Variants in PTPRN2 observed in about 807,000 individuals in gnomAD.
PTPRN2 encodes the protein protein tyrosine phosphatase receptor type N2, also known as receptor-type tyrosine-protein phosphatase N2.
Under a neutral mutation model 118.8 loss-of-function variants are expected in PTPRN2, and 74 were observed. That is an observed-to-expected ratio of 0.62 (90% CI 0.52 to 0.76). The LOEUF (loss-of-function observed/expected upper bound fraction) is 0.76. PTPRN2 is among the 30% of genes least tolerant of loss of function. The pLI is 0.00. For missense variants in PTPRN2, 1,481 were observed against 1,394.4 expected (o/e 1.06, Z -0.99); for synonymous variants, 641 against 608.0 (o/e 1.05, Z -0.80).
intron 11 of PTPRN2, among the ~76,000 whole-genome samples, chr7:158,009,061 C>T (rs969016708): frequency 2.5e-4 from 38 of 152,216 alleles, no homozygotes; most frequent in African/African-American, 8.4e-4. Context: ...TGATCAGTTC[C>T]ACCAGGCATA....
At chr7:158,561,040 A>C (rs1183614748) in intron 1 of PTPRN2, among the ~76,000 whole-genome samples, 2 of 152,258 alleles carry the variant, frequency 1.3e-5, no homozygotes, top group African/African-American at 2.4e-5. Flanking sequence ...TGTGGCAAGA[A>C]GGGCAGGGCC....
chr7:157,800,488 G>C (rs142094982), intron 12 of PTPRN2, among the ~76,000 whole-genome samples: 2 of 152,100 alleles, frequency 1.3e-5, no homozygotes, highest in African/African-American at 4.8e-5. Context: ...CCAAAGACTC[G>C]GCATCCATGT....
At chr7:157,975,114 C>A (rs1467729947) in intron 11 of PTPRN2, among the ~76,000 whole-genome samples, 1 of 152,116 alleles carries the variant, frequency 6.6e-6, no homozygotes, top group Non-Finnish European at 1.5e-5. Flanking sequence ...TTCTCCTCCT[C>A]CTGGGACCTC....
At chr7:158,431,438 G>GCACACTGCCTCACACGA (rs1816172616) in intron 2 of PTPRN2, among the ~76,000 whole-genome samples, 1 of 10,206 alleles carries the variant, frequency 9.8e-5, no homozygotes, top group Non-Finnish European at 2.0e-4. Context: ...CTCACACCAG[G>GCACACTGCCTCACACGA]CACACACTGC....
At chr7:158,411,989 C>A (rs1041361423) in intron 2 of PTPRN2, among the ~76,000 whole-genome samples, 2 of 150,924 alleles carry the variant, frequency 1.3e-5, no homozygotes, top group Non-Finnish European at 3.0e-5. Context: ...ATCACAGCAC[C>A]CTCCTCAGCT....
At chr7:157,772,264 CCCAT>C (rs1802901309) in intron 12 of PTPRN2, among the ~76,000 whole-genome samples, 9 of 117,236 alleles carry the variant, frequency 7.7e-5, no homozygotes, top group Non-Finnish European at 3.2e-5. Flanking sequence ...CACACAGACA[CCCAT>C]ACAGACATAC....
chr7:157,903,254 AAGAGGGAATGTG>A lies in PTPRN2; in HGVS notation c.1724-4529_1724-4518del, dbSNP rs1034180467. On this transcript the variant is annotated intron_variant, in intron 11 of 22. Coordinates refer to ENST00000389418, the MANE Select transcript of PTPRN2 (RefSeq NM_002847.5). This position sits in a 1 kb window ranked among gnomAD's most constrained non-coding sequence, Gnocchi z 4.2. The stretch of plus-strand genomic sequence containing the variant: ...ATAGAGATGGGAACAACAGACACGT[AAGAGGGAATGTG>A]AGAGGGAATGTGAGAGGGAGGTGGG... Among the ~76,000 whole-genome samples the A allele has an allele frequency of 1.4e-4, 22 of 152,036 alleles. No homozygotes were observed. The highest frequency in any genetic ancestry group is 3.4e-4 in the African/African-American group (14 of 41,340).
intron 2 of PTPRN2, among the ~76,000 whole-genome samples, chr7:158,470,656 C>T (rs949885666): frequency 1.3e-5 from 2 of 152,202 alleles, no homozygotes; most frequent in Non-Finnish European, 2.9e-5. Flanking sequence ...CTTCTCTCTA[C>T]TGCACTTGAC....
chr7:157,728,759 T>A (rs1470973208), intron 12 of PTPRN2, among the ~76,000 whole-genome samples: 1 of 152,226 alleles, frequency 6.6e-6, no homozygotes, highest in African/African-American at 2.4e-5. Flanking sequence ...TGCTTTTACC[T>A]GCTTCTTATA....
intron 2 of PTPRN2, among the ~76,000 whole-genome samples, chr7:158,331,180 T>A (rs1240884029): frequency 6.0e-5 from 8 of 134,008 alleles, no homozygotes; most frequent in African/African-American, 2.3e-4. Flanking sequence ...CCAGAAGAGC[T>A]GTCACACGCA....
chr7:158,163,183 G>T (rs759340010), intron 6 of PTPRN2, among the ~76,000 whole-genome samples: 7 of 152,208 alleles, frequency 4.6e-5, no homozygotes, highest in Non-Finnish European at 8.8e-5. Flanking sequence ...GGTGATGCCT[G>T]TACGGGGTTC....
chr7:158,486,568 C>A (rs147852588), intron 2 of PTPRN2, among the ~76,000 whole-genome samples: 1 of 152,094 alleles, frequency 6.6e-6, no homozygotes, highest in African/African-American at 2.4e-5. Flanking sequence ...CTTCCAGAAC[C>A]CTTACAGTTT....
chr7:157,959,612 C>CA (rs1193314448), intron 11 of PTPRN2, among the ~76,000 whole-genome samples: 1 of 152,106 alleles, frequency 6.6e-6, no homozygotes, highest in African/African-American at 2.4e-5. Flanking sequence ...AGCCATTAGG[C>CA]AAAAGCAAAC....
intron 3 of PTPRN2, among the ~76,000 whole-genome samples, chr7:158,262,790 TACACATTCACACACTAC>T (rs1408186629): frequency 9.1e-6 from 1 of 109,334 alleles, no homozygotes; most frequent in Admixed American, 8.8e-5. Context: ...ACTACACACA[TACACATTCACACACTAC>T]ACACATTCAC....
chr7:157,683,301 A>G (rs1410423881), intron 12 of PTPRN2, among the ~76,000 whole-genome samples: 1 of 151,804 alleles, frequency 6.6e-6, no homozygotes, highest in East Asian at 2.0e-4. Flanking sequence ...AGCTTGCACA[A>G]TGATTGTCGG....
At chr7:157,608,837 A>T (rs1428189581) in intron 15 of PTPRN2, among the ~76,000 whole-genome samples, 1 of 152,188 alleles carries the variant, frequency 6.6e-6, no homozygotes, top group East Asian at 1.9e-4. Flanking sequence ...GAGGCAACAC[A>T]GAGCAATGGC....
At chr7:158,039,458 C>G (rs1346613596) in intron 11 of PTPRN2, among the ~76,000 whole-genome samples, 1 of 152,170 alleles carries the variant, frequency 6.6e-6, no homozygotes, top group Non-Finnish European at 1.5e-5. Context: ...CACATCAATA[C>G]CAACAGGGCT....
At chr7:158,278,100 G>A (rs1281816472) in intron 3 of PTPRN2, among the ~76,000 whole-genome samples, 3 of 152,186 alleles carry the variant, frequency 2.0e-5, no homozygotes, top group Non-Finnish European at 4.4e-5. Flanking sequence ...GAGAAAACAG[G>A]CGTCTGCAGG....
rs1228531426 is a variant in PTPRN2 at position 157,590,424 on chromosome 7, TG to T, written c.2496+4813del. On this transcript the variant is annotated intron_variant, in intron 17 of 22. Coordinates refer to ENST00000389418, the MANE Select transcript of PTPRN2 (RefSeq NM_002847.5). The surrounding 1 kb of genome is among the most constrained non-coding windows in gnomAD (Gnocchi z 4.0). ...AGCACTCACAGACAAGGAATTAATT[TG>T]GGGTACATCTTCCTTTAGGTAATGA... Among the ~76,000 whole-genome samples the T allele has an allele frequency of 6.6e-6, 1 of 152,236 alleles. No homozygotes were observed. Among genetic ancestry groups the T allele is most frequent in the Middle Eastern group, 3.2e-3 (1 of 316 alleles).
Sources: gnomAD v4.1 joint callset for allele counts (sites outside exome capture counted in the v4.1 genomes callset) on GRCh38, gnomAD v4.1.1 for gene constraint, Gnocchi (gnomAD v3.1) non-coding constraint, MANE v1.5 for transcripts, NCBI Gene and HGNC (gene_info 2026-07-23, HGNC 2026-07-21) for gene names.